The following RBPJ variants were observed in gnomAD, a reference collection of about 807,000 sequenced individuals.
RBPJ encodes the protein recombination signal binding protein for immunoglobulin kappa J region, also known as recombining binding protein suppressor of hairless.
RBPJ carries 9 observed loss-of-function variants against 67.8 expected under a neutral mutation model. That is an observed-to-expected ratio of 0.13 (90% confidence interval 0.08 to 0.23). The LOEUF (loss-of-function observed/expected upper bound fraction) is 0.23, where lower values mean the gene tolerates loss of function less well. RBPJ is among the 10% of genes least tolerant of loss of function. The pLI is 1.00. For missense variants in RBPJ, 305 were observed against 595.6 expected, an observed-to-expected ratio of 0.51 and a Z score of 5.08; for synonymous variants, 198 against 203.3, an observed-to-expected ratio of 0.97 and a Z score of 0.22.
intron 1 of RBPJ, among the ~76,000 whole-genome samples, chr4:26,294,555 G>C (rs191395436): frequency 2.3e-4 from 35 of 152,112 alleles, no homozygotes; most frequent in African/African-American, 8.4e-4. Flanking sequence ...ATGGTGCCCC[G>C]GACTAGGGCG....
Position 26,429,987 on chromosome 4 carries a change from A to G in RBPJ, c.978A>G (p.Thr326=), listed in dbSNP as rs781107271. The change falls in exon 9 of 11, where the codon ACA becomes ACG. Residue 326 remains threonine, a synonymous_variant. Transcript: ENST00000355476. ...TTAGCACAGATAAGGCAGAGTATACATTTTATGAGGGAATGGGCCCTGTCC... is the reference window on the plus strand; with the variant it reads ...TTAGCACAGATAAGGCAGAGTATACGTTTTATGAGGGAATGGGCCCTGTCC... ...TIISTDKAEY[T]FYEGMGPVLA... 11 of 1,613,988 alleles carry G rather than the reference A, an allele frequency of 6.8e-6. No homozygotes were observed. The Middle Eastern group carries it at 4.9e-4, about 73-fold the overall frequency.
intron 1 of RBPJ, among the ~76,000 whole-genome samples, chr4:26,181,292 C>T (rs1716982181): frequency 6.6e-6 from 1 of 152,196 alleles, no homozygotes; most frequent in Non-Finnish European, 1.5e-5. Context: ...CAAAGAAGCA[C>T]AGTCTAAACA....
At chr4:26,318,233 A>T (rs1476519552), upstream of RBPJ, among the ~76,000 whole-genome samples, 1 of 151,892 alleles carries the variant, frequency 6.6e-6, no homozygotes, top group East Asian at 1.9e-4. Context: ...ATTCAATTCA[A>T]CTCTACATTT....
the RBPJ span, among the ~76,000 whole-genome samples, chr4:26,138,507 C>T: frequency 1.3e-5 from 2 of 152,272 alleles, no homozygotes; most frequent in African/African-American, 4.8e-5. Flanking sequence ...GAACTAAGTT[C>T]CAGGGTTACC....
At chr4:26,386,486 C>A in intron 2 of RBPJ, 95 bp downstream of exon 2, 3 of 797,550 alleles carry the variant, frequency 3.8e-6, no homozygotes, top group South Asian at 3.8e-5. Context: ...CCCTTAAAGT[C>A]ATTCAAATAT....
At chr4:26,288,842 G>A (rs1345977245) in intron 1 of RBPJ, among the ~76,000 whole-genome samples, 1 of 151,354 alleles carries the variant, frequency 6.6e-6, no homozygotes, top group Non-Finnish European at 1.5e-5. Context: ...AAATGGAAGC[G>A]AGGTCACTTT....
rs567051839 is a variant in RBPJ at position 26,417,511 on chromosome 4, G to C, written c.321+1871G>C. 1.2e-4 allele frequency among the ~76,000 whole-genome samples: 18 copies of C among 152,180 alleles called. No individual in the cohort carries two copies. The East Asian group carries it at 3.1e-3, about 26-fold the overall frequency. ...TAGTATTTAAAATACCTAGTAATAG[G>C]TTAGTACAATGTCTGTAAGCCAAAA... On this transcript the variant is annotated intron_variant, in intron 4 of 10. Coordinates refer to ENST00000355476, the MANE Select transcript of RBPJ (RefSeq NM_015874.6).
chr4:26,430,088 T>C lies in RBPJ; in HGVS notation c.1044+35T>C, dbSNP rs764478328. ...CCTAGTCCAAGTTGGCCTTCAGCTCTTTGCAGCTACTCTCAGCTGTGACCT... is the reference window on the plus strand; with the variant it reads ...CCTAGTCCAAGTTGGCCTTCAGCTCCTTGCAGCTACTCTCAGCTGTGACCT... On this transcript the variant is annotated intron_variant, in intron 9 of 10. Coordinates refer to ENST00000355476, the MANE Select transcript of RBPJ (RefSeq NM_015874.6). The surrounding 1 kb of genome is among the most constrained non-coding windows in gnomAD (Gnocchi z 4.1). 6.2e-7 allele frequency: 1 copy of C among 1,609,922 alleles called. No individual in the cohort carries two copies. The highest frequency in any genetic ancestry group is 1.1e-5 in the South Asian group (1 of 90,982).
intron 1 of RBPJ, among the ~76,000 whole-genome samples, chr4:26,202,728 C>A (rs55860289): frequency 0.16 from 23,974 of 151,660 alleles, 2,155 homozygotes; most frequent in Middle Eastern, 0.22. Context: ...GACAACATGG[C>A]AAAATCCCAT....
At chr4:26,218,514 CAG>C (rs1461011650) in intron 1 of RBPJ, among the ~76,000 whole-genome samples, 2 of 152,294 alleles carry the variant, frequency 1.3e-5, no homozygotes, top group African/African-American at 4.8e-5. Context: ...ATGGGTCAGA[CAG>C]GGTCACAGCT....
At chr4:26,229,967 C>T (rs1479951992) in intron 1 of RBPJ, among the ~76,000 whole-genome samples, 3 of 151,974 alleles carry the variant, frequency 2.0e-5, no homozygotes, top group Non-Finnish European at 4.4e-5. Context: ...GGCGGGAAAA[C>T]GGCTTGAGCC....
intron 1 of RBPJ, among the ~76,000 whole-genome samples, chr4:26,355,710 C>T (rs991344770): frequency 1.3e-5 from 2 of 152,122 alleles, no homozygotes; most frequent in Non-Finnish European, 2.9e-5. Context: ...CTTTGAACAC[C>T]TTGAGTTATA....
intron 1 of RBPJ, among the ~76,000 whole-genome samples, chr4:26,182,324 A>G (rs1213373855): frequency 6.6e-6 from 1 of 152,074 alleles, no homozygotes; most frequent in East Asian, 1.9e-4. Flanking sequence ...CCTGGGCAAA[A>G]GAGCAAGACT....
chr4:26,286,927 C>T (rs1216093105), intron 1 of RBPJ, among the ~76,000 whole-genome samples: 1 of 151,888 alleles, frequency 6.6e-6, no homozygotes, highest in East Asian at 1.9e-4. Context: ...GCTGGGATCA[C>T]GGGGATGCAC....
At chr4:26,426,671 TAG>T (rs1427991585) in intron 7 of RBPJ, among the ~76,000 whole-genome samples, 2 of 152,120 alleles carry the variant, frequency 1.3e-5, no homozygotes, top group East Asian at 3.9e-4. Flanking sequence ...GAGGAGCGCT[TAG>T]AGAGGTCAGG....
At chr4:26,209,539 C>A in intron 1 of RBPJ, among the ~76,000 whole-genome samples, 1 of 126,860 alleles carries the variant, frequency 7.9e-6, no homozygotes, top group Non-Finnish European at 1.7e-5. Context: ...ATCCTATCTC[C>A]TTCCTTCCTC....
intron 1 of RBPJ, among the ~76,000 whole-genome samples, chr4:26,324,937 T>G (rs1723464133): frequency 6.6e-6 from 1 of 152,256 alleles, no homozygotes. Flanking sequence ...TATTTTTTAG[T>G]GCTTTGTTAT....
intron 1 of RBPJ, among the ~76,000 whole-genome samples, chr4:26,185,616 T>C (rs1476798325): frequency 6.6e-6 from 1 of 152,188 alleles, no homozygotes; most frequent in Non-Finnish European, 1.5e-5. Context: ...GAATAAGGCA[T>C]TTGTATGGTG....
chr4:26,195,141 G>A (rs755870513), intron 1 of RBPJ, among the ~76,000 whole-genome samples: 5 of 152,200 alleles, frequency 3.3e-5, no homozygotes, highest in Non-Finnish European at 7.3e-5. Context: ...GGTCAAGGTG[G>A]GAGGATCCCT....
Sources: allele counts gnomAD v4.1 joint callset (sites outside exome capture counted in the v4.1 genomes callset), GRCh38; gene constraint gnomAD v4.1.1; non-coding constraint Gnocchi (gnomAD v3.1); transcripts MANE v1.5; gene names NCBI Gene and HGNC (gene_info 2026-07-23, HGNC 2026-07-21).